PSME4: variants seen among roughly 807,000 people sequenced by gnomAD.
The protein encoded by PSME4 is proteasome activator subunit 4, also known as proteasome activator complex subunit 4.
PSME4 carries 89 observed loss-of-function variants against 253.9 expected under a neutral mutation model. The ratio of observed to expected loss-of-function variants is 0.35; its 90% CI spans 0.30 to 0.42. The LOEUF (loss-of-function observed/expected upper bound fraction) is 0.42. PSME4 is among the 10% of genes least tolerant of loss of function. PSME4 has a pLI of 1.00. For missense variants in PSME4, 2,014 were observed against 2,195.2 expected (o/e 0.92, Z 1.65); for synonymous variants, 851 against 759.2 (o/e 1.12, Z -1.99).
At chr2:53,892,682 C>T (rs371177791) in intron 36 of PSME4, 126 bp downstream of exon 36, 19 of 808,758 alleles carry the variant, frequency 2.3e-5, no homozygotes, top group African/African-American at 6.9e-5. Flanking sequence ...GTCTACATAT[C>T]GGCATATTTC....
intron 44 of PSME4, 24 bp downstream of exon 44, chr2:53,869,352 G>T: frequency 6.3e-7 from 1 of 1,580,152 alleles, no homozygotes; most frequent in South Asian, 1.1e-5. Flanking sequence ...ATAGGATACA[G>T]GTGTTTCCTA....
chr2:53,928,040 T>C (rs1053893621), intron 11 of PSME4, 77 bp downstream of exon 11: 4 of 1,174,884 alleles, frequency 3.4e-6, no homozygotes, highest in Non-Finnish European at 4.8e-6. Context: ...TGCACAAACT[T>C]CTCCAACCTT....
intron 36 of PSME4, among the ~76,000 whole-genome samples, chr2:53,891,552 A>ATTT (rs111453700): frequency 6.6e-6 from 1 of 150,736 alleles, no homozygotes; most frequent in African/African-American, 2.4e-5. Flanking sequence ...AAAATTTTGA[A>ATTT]TTTTTTTTTT....
At chr2:53,914,313 A>T (rs1667960968) in intron 20 of PSME4, among the ~76,000 whole-genome samples, 1 of 152,178 alleles carries the variant, frequency 6.6e-6, no homozygotes, top group Non-Finnish European at 1.5e-5. Context: ...AATTCCTGTG[A>T]CTCTGGAAAG....
At position 53,885,748 on chromosome 2, in the gene PSME4, C is replaced by T; in HGVS notation, c.4757G>A (p.Gly1586Glu). 6.2e-7 allele frequency: 1 copy of T among 1,612,898 alleles called. No individual in the cohort carries two copies. The highest frequency in any genetic ancestry group is 8.5e-7 in the Non-Finnish European group (1 of 1,179,116). The change falls in exon 41 of 47, where the codon GGA becomes GAA. Residue 1586 changes from glycine (G) to glutamate (E), a missense_variant. Around this residue, in one of 4 missense-constraint regions of PSME4, gnomAD observed 403 missense variants for 556.1 expected, o/e 0.72. Transcript: ENST00000404125. ...TILKWLMASAGRSFSTAVTEQ... is the reference protein window; with the variant it reads ...TILKWLMASAERSFSTAVTEQ... ...TGTAACTGCTGTAGAAAAGGATCTT[C>T]CTGCACTTGCCATCAGCCATTTCAA... is the stretch of plus-strand genomic sequence containing the variant.
chr2:53,869,827 C>G (rs1678783621), intron 43 of PSME4: 1 of 195,756 alleles, frequency 5.1e-6, no homozygotes, highest in Non-Finnish European at 1.0e-5. Flanking sequence ...CTCATCAGGG[C>G]TATAACTGTA....
chr2:53,920,564 TTATAA>T (rs1303759965), intron 18 of PSME4, among the ~76,000 whole-genome samples: 2 of 152,206 alleles, frequency 1.3e-5, no homozygotes, highest in Non-Finnish European at 2.9e-5. Context: ...AGAGTACTCA[TTATAA>T]TATGAGTTTG....
Position 53,906,660 on chromosome 2 carries a change from T to C in PSME4, c.2881A>G (p.Lys961Glu). 6.2e-7 allele frequency: 1 copy of C among 1,603,382 alleles called. No homozygotes were observed. The highest frequency in any genetic ancestry group is 8.5e-7 in the Non-Finnish European group (1 of 1,176,020). ...RTLTVEGCEY[K>E]KIHQDMIRDL... ...CTGATCATATCTTGATGTATCTTTT[T>C]GTATTCACAACCCTCAACAGTTAGT... Residue 961 changes from lysine (K) to glutamate (E), a missense_variant, in exon 26 of 47, where the codon AAA becomes GAA. By Grantham distance (56) the Lys-to-Glu change is moderately conservative. This residue lies in a region of PSME4 where 989 missense variants were observed against 1,021.1 expected (regional missense o/e 0.97). Transcript: ENST00000404125.
intron 37 of PSME4, 99 bp from the exon 38 acceptor site, chr2:53,888,911 G>A (rs1254903137): frequency 1.0e-6 from 1 of 953,328 alleles, no homozygotes; most frequent in East Asian, 2.6e-5. Context: ...TTGAGGCTAG[G>A]TCTAACTCTG....
At chr2:53,932,824 G>T in intron 8 of PSME4, 64 bp from the exon 9 acceptor site, 1 of 1,257,644 alleles carries the variant, frequency 8.0e-7, no homozygotes, top group Non-Finnish European at 1.2e-6. Flanking sequence ...GAGGTCAACA[G>T]GCCCAAGCCT....
chr2:53,892,139 A>C (rs1404347296), intron 36 of PSME4, among the ~76,000 whole-genome samples: 1 of 152,184 alleles, frequency 6.6e-6, no homozygotes, highest in Non-Finnish European at 1.5e-5. Flanking sequence ...TTTTAAAATA[A>C]AATTGTTTCT....
intron 41 of PSME4, among the ~76,000 whole-genome samples, chr2:53,876,429 T>A (rs1679122835): frequency 6.6e-6 from 1 of 152,122 alleles, no homozygotes; most frequent in Admixed American, 6.6e-5. Flanking sequence ...GATGTAAAGG[T>A]CTGACTTTAT....
In PSME4 at chr2:53,931,200, C is replaced by T. The variant is rs1057323057; in HGVS notation, c.1316+635G>A. Among the ~76,000 whole-genome samples, 6 of 152,086 alleles carry T rather than the reference C, an allele frequency of 3.9e-5. No individual in the cohort carries two copies. In the South Asian group the frequency reaches 8.3e-4, roughly 21 times the overall value. On this transcript the variant is annotated intron_variant, in intron 10 of 46. Transcript: ENST00000404125. ...GGCTGAGGCAGGGGAATCCTTGAAC[C>T]AGGAAGGCGGAGGTTGCGGTGAGCC...
At position 53,874,505 on chromosome 2, in the gene PSME4, CAAAT is replaced by C; in HGVS notation, c.4945-15_4945-12del. 1 of 1,612,186 alleles carries C rather than the reference CAAAT, an allele frequency of 6.2e-7. No homozygotes were observed. The highest frequency in any genetic ancestry group is 8.5e-7 in the Non-Finnish European group (1 of 1,179,314). On this transcript the variant is annotated splice_polypyrimidine_tract_variant and intron_variant, in intron 42 of 46. Transcript: ENST00000404125. ...ACTGCTTCTTGCTGTCTGTGAATGA[CAAAT>C]AAATATAAACGATAAAGCAGTACTG...
At chr2:53,934,795 CT>C (rs1433437360) in intron 7 of PSME4, 68 bp from the exon 8 acceptor site, 3 of 1,237,348 alleles carry the variant, frequency 2.4e-6, no homozygotes, top group Non-Finnish European at 3.4e-6. Flanking sequence ...TTAGTAAGTG[CT>C]GTATATTAGT....
At chr2:53,885,444 C>A (rs1341213818) in intron 41 of PSME4, among the ~76,000 whole-genome samples, 1 of 152,168 alleles carries the variant, frequency 6.6e-6, no homozygotes, top group Non-Finnish European at 1.5e-5. Context: ...AAATTAGCTA[C>A]CAGGTAAAAC....
intron 8 of PSME4, 36 bp downstream of exon 8, chr2:53,934,569 G>A (rs372376159): frequency 1.1e-4 from 166 of 1,578,328 alleles, no homozygotes; most frequent in East Asian, 2.0e-4. Context: ...CAAAATAGGC[G>A]TAAACTACAG....
chr2:53,939,923 A>G (rs1669309223), intron 4 of PSME4, 33 bp downstream of exon 4: 2 of 1,543,014 alleles, frequency 1.3e-6, no homozygotes, highest in Non-Finnish European at 1.8e-6. Flanking sequence ...CACAGAAACA[A>G]CAAGAGGCTT....
At chr2:53,890,472 A>G (rs1679854814) in intron 36 of PSME4, among the ~76,000 whole-genome samples, 2 of 152,062 alleles carry the variant, frequency 1.3e-5, no homozygotes, top group Non-Finnish European at 2.9e-5. Flanking sequence ...ATGCCCTGAA[A>G]TATTTTTTAT....
Sources: allele counts gnomAD v4.1 joint callset (sites outside exome capture counted in the v4.1 genomes callset), GRCh38; gene constraint gnomAD v4.1.1; regional missense constraint gnomAD v4.1.1; transcripts MANE v1.5; gene names NCBI Gene and HGNC (gene_info 2026-07-23, HGNC 2026-07-21).